The following CFAP65 variants were observed in gnomAD, a reference collection of about 807,000 sequenced individuals.
CFAP65 encodes the protein cilia and flagella associated protein 65, also known as cilia- and flagella-associated protein 65.
A neutral mutation model predicts 208.0 loss-of-function variants in CFAP65; 155 were observed. The observed-to-expected ratio is 0.75, with a 90% CI of 0.65 to 0.85. CFAP65 has a LOEUF of 0.85. CFAP65 is among the 40% of genes least tolerant of loss of function. CFAP65 has a pLI of 0.00. For missense variants in CFAP65, 2,294 were observed against 2,451.3 expected, an observed-to-expected ratio of 0.94 and a Z score of 1.36; for synonymous variants, 970 against 986.3, an observed-to-expected ratio of 0.98 and a Z score of 0.31.
At chr2:219,024,638 A>C (rs1491004286) in intron 14 of CFAP65, among the ~76,000 whole-genome samples, 1 of 152,206 alleles carries the variant, frequency 6.6e-6, no homozygotes, top group Non-Finnish European at 1.5e-5. Flanking sequence ...CTGGGGCTGC[A>C]GTAAGTAACC....
In CFAP65 at chr2:219,039,031, A is replaced by T; in HGVS notation, c.18T>A (p.Gly6=). Residue 6 remains glycine, a synonymous_variant, in exon 3 of 35, where the codon GGT becomes GGA. Transcript: ENST00000341552. The part of the protein sequence containing the change: MFTLT[G]CRLVEKTQKV... ...TCTGGGTTTTCTCCACCAGTCTACA[A>T]CCGGTTAAGGTAAACATCACTGAAA... 1 of 1,610,036 alleles carries T rather than the reference A, an allele frequency of 6.2e-7. No individual in the cohort carries two copies. Among genetic ancestry groups the T allele is most frequent in the Non-Finnish European group, 8.5e-7 (1 of 1,177,844 alleles).
intron 9 of CFAP65, among the ~76,000 whole-genome samples, chr2:219,030,412 G>A (rs546859244): frequency 2.3e-4 from 35 of 152,340 alleles, no homozygotes; most frequent in African/African-American, 8.2e-4. Flanking sequence ...GCCCAAAGGG[G>A]GCACCTTTTA....
intron 1 of CFAP65, 31 bp from the exon 2 acceptor site, chr2:219,040,595 T>G (rs191314865): frequency 5.7e-5 from 88 of 1,552,322 alleles, no homozygotes; most frequent in Non-Finnish European, 4.4e-6. Flanking sequence ...TCCATTACTT[T>G]TCTGCCACGG....
chr2:219,005,369 G>T lies in CFAP65; in HGVS notation c.5051+65C>A, dbSNP rs1403382152. On this transcript the variant is annotated intron_variant, in intron 32 of 34. Transcript: ENST00000341552. ...AAGGAAGAGTGCTGGAATGTAAGGG[G>T]CTCTGGCTGAATGAGCTGGAGGGAT... 16 of 1,595,400 alleles carry T rather than the reference G, an allele frequency of 1.0e-5. No individual in the cohort carries two copies. The East Asian group carries it at 3.4e-4, about 33-fold the overall frequency.
Position 219,027,913 on chromosome 2 carries a change from G to T in CFAP65, c.1948C>A (p.Pro650Thr), listed in dbSNP as rs1426759683. The T allele has an allele frequency of 3.3e-6, 5 of 1,527,224 alleles. No homozygotes were observed. The highest frequency in any genetic ancestry group is 1.8e-4 in the Middle Eastern group (1 of 5,654). 94.6% of individuals were successfully genotyped at this position (1,527,224 alleles called of 1,614,324 possible). A position where few individuals can be genotyped will look rare whatever the true frequency, so the allele number is the denominator to read the frequency against. The change falls in exon 13 of 35, where the codon CCC becomes ACC. Residue 650 changes from proline to threonine, a missense_variant. Pro to Thr is a conservative substitution (Grantham distance 38). Around this residue, in one of 2 missense-constraint regions of CFAP65, gnomAD observed 867 missense variants for 1,012.6 expected, o/e 0.86. Transcript: ENST00000341552. ...ACCTCGACAGGCTCTACACTGATGG[G>T]CGGGGGGAAGATGGTTATGTCGCTG... ...GTSDITIFPP[P>T]ISVEPVEVDF...
chr2:219,014,099 C>T (rs1219143731), intron 21 of CFAP65, 55 bp from the exon 22 acceptor site: 1 of 1,493,918 alleles, frequency 6.7e-7, no homozygotes, highest in African/African-American at 1.4e-5. Context: ...AACAGAGAGG[C>T]AGGGGCTCTG....
chr2:219,032,426 C>T lies in CFAP65; in HGVS notation c.645+44G>A, dbSNP rs1461212279. ...CCTGTTTTCTGTTCTGAGGTCACTGCTCCCAGGTACCTCCCTGCCCTCACT... is the reference window on the plus strand; with the variant it reads ...CCTGTTTTCTGTTCTGAGGTCACTGTTCCCAGGTACCTCCCTGCCCTCACT... On this transcript the variant is annotated intron_variant, in intron 6 of 34. Transcript: ENST00000341552. The surrounding 1 kb of genome is among the most constrained non-coding windows in gnomAD (Gnocchi z 5.5). The T allele has an allele frequency of 5.9e-6, 9 of 1,513,264 alleles. No homozygotes were observed. In the African/African-American group the frequency reaches 9.7e-5, roughly 16 times the overall value. The allele number at this position is 1,513,264 out of a possible 1,614,324, so 93.7% of individuals were successfully genotyped here.
intron 19 of CFAP65, among the ~76,000 whole-genome samples, 187 bp from the exon 20 acceptor site, chr2:219,019,906 C>T (rs1000139032): frequency 1.5e-4 from 23 of 152,230 alleles, no homozygotes; most frequent in Non-Finnish European, 2.5e-4. Context: ...TTTCTGTGTA[C>T]TGGGCATTGT....
At chr2:219,014,068 A>G in intron 21 of CFAP65, 24 bp from the exon 22 acceptor site, 1 of 1,579,120 alleles carries the variant, frequency 6.3e-7, no homozygotes, top group South Asian at 1.1e-5. Flanking sequence ...GCAAAGCCAT[A>G]CAAAGAAACT....
At chr2:219,023,537 A>G (rs11891205) in intron 15 of CFAP65, 106 bp from the exon 16 acceptor site, 99,172 of 766,234 alleles carry the variant, frequency 0.13, 8,140 homozygotes, top group African/African-American at 0.37. Context: ...CACTTGAAGC[A>G]GGCAGTCAAA....
rs1947255251 is a variant in CFAP65, at chr2:219,021,402, G to A, written c.3131-122C>T. 2.5e-6 allele frequency: 3 copies of A among 1,221,298 alleles called. No homozygotes were observed. In the East Asian group the frequency reaches 8.3e-5, roughly 34 times the overall value. 75.7% of individuals were successfully genotyped at this position (1,221,298 alleles called of 1,614,324 possible). ...ACAGCAGGCCCTGAGGCAGGAAACA[G>A]GGAGTGGAGCCCCTCCTCCCAGCCT... On this transcript the variant is annotated intron_variant, in intron 18 of 34. Transcript: ENST00000341552.
At chr2:219,019,242 G>T (rs1365015947) in intron 20 of CFAP65, 63 bp from the exon 21 acceptor site, 1 of 1,537,824 alleles carries the variant, frequency 6.5e-7, no homozygotes, top group Admixed American at 2.0e-5. Flanking sequence ...CCCTCCCAGG[G>T]ATGGCTGGCT....
At chr2:219,024,710 G>T (rs940323612) in intron 14 of CFAP65, among the ~76,000 whole-genome samples, 4 of 152,154 alleles carry the variant, frequency 2.6e-5, no homozygotes, top group African/African-American at 9.7e-5. Flanking sequence ...GCTGAGGCAG[G>T]TGGATCACTT....
intron 14 of CFAP65, 71 bp from the exon 15 acceptor site, chr2:219,024,331 A>G (rs570776634): frequency 2.8e-5 from 43 of 1,531,918 alleles, no homozygotes; most frequent in East Asian, 1.1e-4. Context: ...TCAGGGCCCT[A>G]TGGGGGCTTG....
chr2:219,009,756 T>G (rs1574533063), intron 27 of CFAP65, among the ~76,000 whole-genome samples, 186 bp downstream of exon 27: 6 of 33,626 alleles, frequency 1.8e-4, no homozygotes, highest in East Asian at 1.4e-3. Context: ...TGGGATGGAG[T>G]GGGGTGGGAT....
At chr2:219,015,959 G>C (rs1381294604) in intron 21 of CFAP65, among the ~76,000 whole-genome samples, 1 of 149,696 alleles carries the variant, frequency 6.7e-6, no homozygotes, top group Non-Finnish European at 1.5e-5. Context: ...AACAGATATA[G>C]TATTGGGCCA....
chr2:219,006,316 T>C, intron 30 of CFAP65, 93 bp from the exon 31 acceptor site: 1 of 1,478,440 alleles, frequency 6.8e-7, no homozygotes, highest in Non-Finnish European at 9.3e-7. Flanking sequence ...CACAGGCTCT[T>C]TGGGCCACAT....
rs1469036170 is a variant in CFAP65 at position 219,024,251 on chromosome 2, C to T, written c.2359G>A (p.Ala787Thr). ...TAGGTGGGCTCACCGGAGGACACTG[C>T]TGGAAATAGCTGGGGGTGGGAGAGG... ...YSLDVPKLFP[A>T]VSSGEPTYRS... The change falls in exon 15 of 35, where the codon GCA becomes ACA. Residue 787 changes from alanine to threonine, a missense_variant. Around this residue, in one of 2 missense-constraint regions of CFAP65, gnomAD observed 1,427 missense variants for 1,438.7 expected, o/e 0.99. Transcript: ENST00000341552. 6.2e-7 allele frequency: 1 copy of T among 1,611,050 alleles called. No individual in the cohort carries two copies. Among genetic ancestry groups the T allele is most frequent in the Admixed American group, 1.7e-5 (1 of 59,978 alleles).
At chr2:219,013,768 G>A in intron 22 of CFAP65, 100 bp downstream of exon 22, 1 of 1,252,686 alleles carries the variant, frequency 8.0e-7, no homozygotes, top group Non-Finnish European at 1.1e-6. Context: ...GGTCCTCCCA[G>A]GGAATGGCCA....
Sources: allele counts gnomAD v4.1 joint callset (sites outside exome capture counted in the v4.1 genomes callset), GRCh38; gene constraint gnomAD v4.1.1; regional missense constraint gnomAD v4.1.1; non-coding constraint Gnocchi (gnomAD v3.1); transcripts MANE v1.5; gene names NCBI Gene and HGNC (gene_info 2026-07-23, HGNC 2026-07-21).